Variants in RAB27B observed in about 807,000 individuals in gnomAD.
RAB27B encodes the protein RAB27B, member RAS oncogene family.
RAB27B carries 15 observed loss-of-function variants against 24.6 expected under a neutral mutation model. The ratio of observed to expected loss-of-function variants is 0.61; its 90% CI spans 0.41 to 0.94. The LOEUF is 0.94. RAB27B is among the 40% of genes least tolerant of loss of function. The probability of loss-of-function intolerance (pLI) is 0.00; values close to 1 mark genes in which losing one functional copy is unlikely to be tolerated. For missense variants in RAB27B, 261 were observed against 266.8 expected, an observed-to-expected ratio of 0.98 and a Z score of 0.15; for synonymous variants, 105 against 92.5, an observed-to-expected ratio of 1.14 and a Z score of -0.78.
chr18:54,773,163 C>G (rs1186993483), intron 2 of RAB27B, among the ~76,000 whole-genome samples: 1 of 152,030 alleles, frequency 6.6e-6, no homozygotes, highest in Non-Finnish European at 1.5e-5. Flanking sequence ...TTTGAAATTT[C>G]ATTTTCTAAA....
At chr18:54,768,542 C>T (rs2145064933) in intron 2 of RAB27B, among the ~76,000 whole-genome samples, 1 of 152,246 alleles carries the variant, frequency 6.6e-6, no homozygotes, top group South Asian at 2.1e-4. Flanking sequence ...CACTAAACTA[C>T]CTTCTCAAGG....
Position 54,890,175 on chromosome 18 carries a change from G to A in RAB27B, c.*762G>A, listed in dbSNP as rs1913313360. ...GAAATTCAATGTATCTGTTAGAGAT[G>A]TCTGGAAGGGTTACTTAGCCAAATT... On this transcript the variant is annotated 3_prime_UTR_variant, in exon 6 of 6. Coordinates refer to ENST00000262094, the MANE Select transcript of RAB27B (RefSeq NM_004163.4). The A allele has an allele frequency of 1.3e-5, 2 of 152,132 alleles. No individual in the cohort carries two copies. The highest frequency in any genetic ancestry group is 4.8e-5 in the African/African-American group (2 of 41,456). 9.4% of individuals were successfully genotyped at this position (152,132 alleles called of 1,614,324 possible).
chr18:54,872,097 G>C (rs1912492715), intron 1 of RAB27B, among the ~76,000 whole-genome samples: 1 of 152,084 alleles, frequency 6.6e-6, no homozygotes. Context: ...ATGCAAGTGA[G>C]AGGTGGTGAT....
rs913058613 is a variant in RAB27B, at chr18:54,807,238, A to G, written c.-19-70329A>G. 5.9e-5 allele frequency among the ~76,000 whole-genome samples: 9 copies of G among 152,210 alleles called. No individual in the cohort carries two copies. In the South Asian group the frequency reaches 1.0e-3, roughly 17 times the overall value. ...AATGCAGAACCGCTTTTTGTGGTTTAGTAAAATTAACTAGCCTTTAGTTTT... is the reference window on the plus strand; with the variant it reads ...AATGCAGAACCGCTTTTTGTGGTTTGGTAAAATTAACTAGCCTTTAGTTTT... On this transcript the variant is annotated intron_variant, in intron 2 of 4. Coordinates refer to the RAB27B transcript ENST00000586570.
At chr18:54,772,968 C>T (rs1002430425) in intron 2 of RAB27B, among the ~76,000 whole-genome samples, 1 of 152,108 alleles carries the variant, frequency 6.6e-6, no homozygotes, top group Non-Finnish European at 1.5e-5. Flanking sequence ...TTTCTTACTC[C>T]ATGACTGTGT....
rs558709965 is a variant in RAB27B at position 54,865,843 on chromosome 18, T to A, written c.-19-11724T>A. 2.0e-5 allele frequency among the ~76,000 whole-genome samples: 3 copies of A among 152,296 alleles called. No individual in the cohort carries two copies. The East Asian group carries it at 5.8e-4, about 29-fold the overall frequency. On this transcript the variant is annotated intron_variant, in intron 1 of 5. Transcript: ENST00000262094. ...CAGTTCACTGAAAGACCCTCTCAGCTGTTTATCAGGATATATAAGCAGGAT... is the reference window on the plus strand; with the variant it reads ...CAGTTCACTGAAAGACCCTCTCAGCAGTTTATCAGGATATATAAGCAGGAT...
chr18:54,765,213 T>C (rs923305841), intron 2 of RAB27B, among the ~76,000 whole-genome samples: 2 of 152,170 alleles, frequency 1.3e-5, no homozygotes, highest in African/African-American at 4.8e-5. Flanking sequence ...GTCTTTATTT[T>C]GCTCCTGGCT....
chr18:54,745,823 T>C, intron 2 of RAB27B, among the ~76,000 whole-genome samples: 1 of 147,146 alleles, frequency 6.8e-6, no homozygotes, highest in East Asian at 2.0e-4. Context: ...ATTAAATATT[T>C]ATATTTATTA....
chr18:54,810,919 A>T (rs1379460496), intron 2 of RAB27B, among the ~76,000 whole-genome samples: 3 of 151,858 alleles, frequency 2.0e-5, no homozygotes, highest in South Asian at 2.1e-4. Flanking sequence ...GCAATTGTAG[A>T]CTCCTTGAGA....
At chr18:54,739,307 T>G (rs1909998385) in intron 2 of RAB27B, among the ~76,000 whole-genome samples, 1 of 151,804 alleles carries the variant, frequency 6.6e-6, no homozygotes, top group South Asian at 2.1e-4. Context: ...ATACAAAAAG[T>G]TAGCCAGGCG....
chr18:54,791,414 A>G (rs574532600), intron 2 of RAB27B, among the ~76,000 whole-genome samples: 1 of 152,282 alleles, frequency 6.6e-6, no homozygotes, highest in South Asian at 2.1e-4. Context: ...TCTCTACAAA[A>G]ATATTTTTAA....
chr18:54,825,164 T>C (rs1326016089), upstream of RAB27B, among the ~76,000 whole-genome samples: 6 of 152,240 alleles, frequency 3.9e-5, no homozygotes, highest in African/African-American at 1.4e-4. Flanking sequence ...GGATCCATTA[T>C]TGCTCTTGAG....
At chr18:54,775,712 C>T (rs1335311339) in intron 2 of RAB27B, among the ~76,000 whole-genome samples, 9 of 152,202 alleles carry the variant, frequency 5.9e-5, no homozygotes, top group African/African-American at 1.7e-4. Context: ...ATCTATGCTG[C>T]CTCAACTCAG....
At chr18:54,785,735 T>C (rs1177357929) in intron 2 of RAB27B, among the ~76,000 whole-genome samples, 2 of 152,192 alleles carry the variant, frequency 1.3e-5, no homozygotes, top group Non-Finnish European at 2.9e-5. Flanking sequence ...AATAGGCATG[T>C]GTTGTTCAAA....
intron 2 of RAB27B, among the ~76,000 whole-genome samples, chr18:54,755,200 G>C (rs1907963578): frequency 6.6e-6 from 1 of 152,064 alleles, no homozygotes; most frequent in African/African-American, 2.4e-5. Flanking sequence ...GACCAGCCTG[G>C]CCAACACGAT....
chr18:54,755,906 G>A (rs537027286), intron 2 of RAB27B, among the ~76,000 whole-genome samples: 68 of 152,194 alleles, frequency 4.5e-4, no homozygotes, highest in African/African-American at 1.5e-3. Flanking sequence ...AAATACCAGC[G>A]CCACCAAAAT....
chr18:54,840,626 T>C (rs201589901), intron 1 of RAB27B, among the ~76,000 whole-genome samples: 1 of 117,684 alleles, frequency 8.5e-6, no homozygotes, highest in African/African-American at 3.0e-5. Flanking sequence ...AATAAATAAA[T>C]ATTTAACAAG....
intron 2 of RAB27B, among the ~76,000 whole-genome samples, chr18:54,878,655 A>T (rs894088673): frequency 6.6e-6 from 1 of 152,154 alleles, no homozygotes; most frequent in African/African-American, 2.4e-5. Context: ...ATGTCCTGGC[A>T]GAATTTTCCC....
At chr18:54,815,801 T>G (rs1227780389) in intron 2 of RAB27B, among the ~76,000 whole-genome samples, 1 of 152,190 alleles carries the variant, frequency 6.6e-6, no homozygotes, top group Non-Finnish European at 1.5e-5. Context: ...ATTTTGTATT[T>G]TTAGTATAGA....
Sources: allele counts gnomAD v4.1 joint callset (sites outside exome capture counted in the v4.1 genomes callset), GRCh38; gene constraint gnomAD v4.1.1; transcripts MANE v1.5; gene names NCBI Gene and HGNC (gene_info 2026-07-23, HGNC 2026-07-21).